Variants in ZNF385B observed in about 807,000 individuals in gnomAD.
ZNF385B encodes zinc finger protein 385B, also known as zinc finger protein 533.
Under a neutral mutation model 39.2 loss-of-function variants are expected in ZNF385B, and 23 were observed. That is an observed-to-expected ratio of 0.59 (90% confidence interval 0.42 to 0.83). The LOEUF (loss-of-function observed/expected upper bound fraction) is 0.83. Ranked by LOEUF, ZNF385B falls within the 40% of genes least tolerant of loss-of-function variation. The pLI is 0.00. For missense variants in ZNF385B, 552 were observed against 598.9 expected (o/e 0.92, Z 0.82); for synonymous variants, 205 against 222.6 (o/e 0.92, Z 0.70).
chr2:179,717,901 T>A (rs1331374284), intron 3 of ZNF385B, among the ~76,000 whole-genome samples: 2 of 139,006 alleles, frequency 1.4e-5, no homozygotes, highest in East Asian at 5.2e-4. Context: ...TTACATCATA[T>A]GTTGTTTATT....
At chr2:179,529,693 T>A (rs1009688416) in intron 4 of ZNF385B, among the ~76,000 whole-genome samples, 1 of 152,244 alleles carries the variant, frequency 6.6e-6, no homozygotes, top group Middle Eastern at 3.4e-3. Flanking sequence ...GCTATCAATA[T>A]GTTTTGTATG....
intron 3 of ZNF385B, among the ~76,000 whole-genome samples, chr2:179,657,148 C>T (rs1244989185): frequency 6.6e-6 from 1 of 152,080 alleles, no homozygotes; most frequent in Non-Finnish European, 1.5e-5. Context: ...GCCTGCGTCA[C>T]AACTGTACTT....
chr2:179,757,664 G>A (rs565152159), intron 3 of ZNF385B, among the ~76,000 whole-genome samples: 1 of 152,308 alleles, frequency 6.6e-6, no homozygotes, highest in South Asian at 2.1e-4. Flanking sequence ...AGCATTGGAA[G>A]GCGCCCCTCC....
chr2:179,498,800 A>T (rs1187571924), intron 5 of ZNF385B, among the ~76,000 whole-genome samples: 1 of 151,844 alleles, frequency 6.6e-6, no homozygotes, highest in African/African-American at 2.4e-5. Context: ...GACCAAACCC[A>T]CATTTTGTAG....
chr2:179,459,588 AGTGTGT>A (rs3053314), intron 6 of ZNF385B, among the ~76,000 whole-genome samples: 18 of 146,018 alleles, frequency 1.2e-4, no homozygotes, highest in South Asian at 4.4e-4. Flanking sequence ...AGAGAAAATA[AGTGTGT>A]GTGTGTGTGT....
At chr2:179,507,267 C>T (rs2057319376) in intron 5 of ZNF385B, among the ~76,000 whole-genome samples, 1 of 152,094 alleles carries the variant, frequency 6.6e-6, no homozygotes, top group East Asian at 1.9e-4. Flanking sequence ...CAAAATTTTA[C>T]ATAGTTTTAG....
Position 179,830,705 on chromosome 2 carries a change from T to G in ZNF385B, c.-155+30396A>C, listed in dbSNP as rs555824374. Among the ~76,000 whole-genome samples the G allele has an allele frequency of 4.6e-5, 7 of 152,240 alleles. No homozygotes were observed. The East Asian group carries it at 1.4e-3, about 29-fold the overall frequency. ...TAAAAGATCAGTGGTTTCCGGTGGA[T>G]GGGGAGGCAGAGATGAATAGGTGGA... is the stretch of plus-strand genomic sequence containing the variant. On this transcript the variant is annotated intron_variant, in intron 1 of 9. Transcript: ENST00000410066.
At chr2:179,690,891 T>C (rs76090892) in intron 3 of ZNF385B, among the ~76,000 whole-genome samples, 6,276 of 152,270 alleles carry the variant, frequency 0.041, 180 homozygotes, top group Middle Eastern at 0.058. Flanking sequence ...TACAAGATTA[T>C]GGTTTTATCA....
intron 5 of ZNF385B, among the ~76,000 whole-genome samples, chr2:179,491,929 G>C (rs1226574286): frequency 6.6e-6 from 1 of 152,074 alleles, no homozygotes; most frequent in Non-Finnish European, 1.5e-5. Flanking sequence ...TTAAACTCCT[G>C]GTCTCGAGTG....
At chr2:179,493,698 T>C (rs1173046567) in intron 5 of ZNF385B, among the ~76,000 whole-genome samples, 4 of 147,652 alleles carry the variant, frequency 2.7e-5, no homozygotes, top group Non-Finnish European at 6.0e-5. Context: ...CATATATACA[T>C]ATATGTATAC....
At chr2:179,789,718 C>T (rs1387947794) in intron 1 of ZNF385B, among the ~76,000 whole-genome samples, 1 of 152,168 alleles carries the variant, frequency 6.6e-6, no homozygotes, top group Non-Finnish European at 1.5e-5. Context: ...TCTCCTCTCA[C>T]CTCAATGACG....
intron 3 of ZNF385B, among the ~76,000 whole-genome samples, chr2:179,658,760 A>C (rs1694097506): frequency 6.6e-6 from 1 of 152,178 alleles, no homozygotes; most frequent in Non-Finnish European, 1.5e-5. Context: ...TAGGTTATCA[A>C]ACATTCCTTA....
chr2:179,490,729 C>T (rs1040045865), intron 5 of ZNF385B, among the ~76,000 whole-genome samples: 1 of 152,028 alleles, frequency 6.6e-6, no homozygotes, highest in African/African-American at 2.4e-5. Flanking sequence ...CTTTCAATTA[C>T]TGGAAGGCAG....
chr2:179,445,455 A>G (rs564227981), intron 8 of ZNF385B, 95 bp downstream of exon 8: 1 of 1,259,204 alleles, frequency 7.9e-7, no homozygotes, highest in African/African-American at 1.5e-5. Flanking sequence ...AGTCAACTTA[A>G]CTGTGAGCAC....
rs71029824 is a variant in ZNF385B, at chr2:179,639,249, A to AAAAAG, written c.299-94281_299-94280insCTTTT. 1.5e-3 allele frequency among the ~76,000 whole-genome samples: 188 copies of AAAAAG among 128,648 alleles called. 1 individual carries two copies. The highest frequency in any genetic ancestry group is 4.7e-3 in the African/African-American group (167 of 35,698). 84.4% of individuals were successfully genotyped at this position (128,648 alleles called of 152,430 possible). ...CTCAAAAAAAAAAAAAAAAAAAAAA[A>AAAAAG]GGGGGAGAAAGAAAAGAAAAAAATG... On this transcript the variant is annotated intron_variant, in intron 3 of 9. Coordinates refer to ENST00000410066, the MANE Select transcript of ZNF385B (RefSeq NM_152520.6).
At chr2:179,458,879 T>C (rs2050994031) in intron 6 of ZNF385B, among the ~76,000 whole-genome samples, 2 of 152,244 alleles carry the variant, frequency 1.3e-5, no homozygotes, top group African/African-American at 4.8e-5. Context: ...CTTGGAGATT[T>C]ACTCATTTCT....
chr2:179,602,878 C>T (rs1347479241), intron 3 of ZNF385B, among the ~76,000 whole-genome samples: 1 of 152,120 alleles, frequency 6.6e-6, no homozygotes, highest in African/African-American at 2.4e-5. Context: ...AGCAATAACT[C>T]ATTAAAGGAG....
At chr2:179,445,522 T>C in intron 8 of ZNF385B, 28 bp downstream of exon 8, 1 of 1,590,980 alleles carries the variant, frequency 6.3e-7, no homozygotes, top group South Asian at 1.2e-5. Context: ...CCTAAAACAA[T>C]AATGTTTACT....
intron 1 of ZNF385B, among the ~76,000 whole-genome samples, chr2:179,846,692 T>C (rs1171977709): frequency 6.6e-6 from 1 of 152,230 alleles, no homozygotes; most frequent in Non-Finnish European, 1.5e-5. Flanking sequence ...GATTACTGTA[T>C]TTCTCAGAAT....
Sources: gnomAD v4.1 joint callset for allele counts (sites outside exome capture counted in the v4.1 genomes callset) on GRCh38, gnomAD v4.1.1 for gene constraint, MANE v1.5 for transcripts, NCBI Gene and HGNC (gene_info 2026-07-23, HGNC 2026-07-21) for gene names.